KIF16B: variants seen among roughly 807,000 people sequenced by gnomAD.
KIF16B encodes kinesin family member 16B.
In KIF16B, 98 loss-of-function variants were observed where a neutral mutation model predicts 156.3. The observed-to-expected ratio is 0.63, with a 90% CI of 0.53 to 0.74. The LOEUF (loss-of-function observed/expected upper bound fraction) is 0.74, where lower values mean the gene tolerates loss of function less well. Ranked by LOEUF, KIF16B falls within the 30% of genes least tolerant of loss-of-function variation. The pLI is 0.00. For synonymous variants in KIF16B, 564 were observed against 583.7 expected, an observed-to-expected ratio of 0.97 and a Z score of 0.49; for missense variants, 1,421 against 1,606.5, an observed-to-expected ratio of 0.88 and a Z score of 1.97.
At chr20:16,470,374 G>T (rs1380538297) in intron 12 of KIF16B, among the ~76,000 whole-genome samples, 1 of 152,182 alleles carries the variant, frequency 6.6e-6, no homozygotes, top group Non-Finnish European at 1.5e-5. Flanking sequence ...TTCACTGATT[G>T]TAATAAATGT....
At chr20:16,505,998 G>T (rs2068764644) in intron 8 of KIF16B, 24 bp downstream of exon 8, 7 of 1,612,864 alleles carry the variant, frequency 4.3e-6, no homozygotes, top group Non-Finnish European at 5.9e-6. Context: ...AAACAGAGGA[G>T]GCAGGAGCCA....
intron 24 of KIF16B, among the ~76,000 whole-genome samples, chr20:16,333,889 C>A (rs2063991295): frequency 1.3e-5 from 2 of 152,160 alleles, no homozygotes; most frequent in Admixed American, 6.5e-5. Flanking sequence ...TCTGCCCCAC[C>A]ATTCTTTATT....
chr20:16,429,312 T>G (rs1361930580), intron 13 of KIF16B, among the ~76,000 whole-genome samples: 2 of 152,208 alleles, frequency 1.3e-5, no homozygotes, highest in African/African-American at 4.8e-5. Flanking sequence ...AGATTCTTTG[T>G]GTCTAAAGAT....
intron 15 of KIF16B, among the ~76,000 whole-genome samples, chr20:16,410,069 A>AGGTACATATATATATATGTT (rs2065898885): frequency 8.1e-5 from 4 of 49,506 alleles, no homozygotes; most frequent in Non-Finnish European, 1.0e-4. Context: ...ATATATATGT[A>AGGTACATATATATATATGTT]GGTACATATA....
Position 16,453,169 on chromosome 20 carries a change from C to T in KIF16B, c.1303-23187G>A, listed in dbSNP as rs184496694. Among the ~76,000 whole-genome samples, 409 of 151,774 alleles carry T rather than the reference C, an allele frequency of 2.7e-3. 2 individuals are homozygous for T. The highest frequency in any genetic ancestry group is 3.5e-3 in the South Asian group (17 of 4,802). ...CCTGTAGCCCCAGCTACTTGGGAGGCTAAGGTGGGAGGATAACTTGAGCCT... is the reference window on the plus strand; with the variant it reads ...CCTGTAGCCCCAGCTACTTGGGAGGTTAAGGTGGGAGGATAACTTGAGCCT... On this transcript the variant is annotated intron_variant, in intron 12 of 25. Coordinates refer to ENST00000354981, the MANE Select transcript of KIF16B (RefSeq NM_024704.5).
chr20:16,405,778 T>C (rs2065767846), intron 16 of KIF16B, among the ~76,000 whole-genome samples: 1 of 152,174 alleles, frequency 6.6e-6, no homozygotes, highest in Non-Finnish European at 1.5e-5. Flanking sequence ...TCCTGGCTCG[T>C]AGAAATGTTA....
At chr20:16,410,078 T>TATATATATGTAGGTAC (rs1568948543) in intron 15 of KIF16B, among the ~76,000 whole-genome samples, 58 of 125,358 alleles carry the variant, frequency 4.6e-4, no homozygotes, top group Middle Eastern at 4.3e-3. Context: ...TAGGTACATA[T>TATATATATGTAGGTAC]ATATATATGT....
In KIF16B at chr20:16,508,045, C is replaced by G. The variant is rs770267648; in HGVS notation, c.612G>C (p.Ala204=). The change falls in exon 7 of 26, where the codon GCG becomes GCC. Residue 204 remains alanine (A), a synonymous_variant. Transcript: ENST00000354981. ...CTGCGGTGGTCCGGTTGATATTGCC[C>G]GCATCCATAAGTTCTTCTACGTCAC... is the stretch of plus-strand genomic sequence containing the variant. ...NYGDVEELMD[A]GNINRTTAAT... 5 of 1,613,996 alleles carry G rather than the reference C, an allele frequency of 3.1e-6. No individual in the cohort carries two copies. In the South Asian group the frequency reaches 5.5e-5, roughly 18 times the overall value.
chr20:16,493,270 C>A (rs2068351924), intron 12 of KIF16B, among the ~76,000 whole-genome samples: 1 of 152,160 alleles, frequency 6.6e-6, no homozygotes, highest in South Asian at 2.1e-4. Flanking sequence ...AACACCTGGT[C>A]AAGCCAAGTT....
At chr20:16,417,957 C>G (rs112995700) in intron 15 of KIF16B, among the ~76,000 whole-genome samples, 50 of 151,028 alleles carry the variant, frequency 3.3e-4, no homozygotes, top group African/African-American at 1.1e-3. Context: ...GAGTATAGTG[C>G]GGGGGAAAAA....
At chr20:16,548,982 G>A (rs1266009396) in intron 1 of KIF16B, among the ~76,000 whole-genome samples, 1 of 150,440 alleles carries the variant, frequency 6.6e-6, no homozygotes, top group Middle Eastern at 3.2e-3. Context: ...AGTAAATAAA[G>A]GAAAAGAATT....
intron 15 of KIF16B, among the ~76,000 whole-genome samples, chr20:16,421,276 C>A (rs1167517362): frequency 6.6e-6 from 1 of 152,064 alleles, no homozygotes; most frequent in Non-Finnish European, 1.5e-5. Flanking sequence ...TAATGCTGTT[C>A]CCCATTTATT....
At chr20:16,525,870 TC>T (rs1207593543) in intron 3 of KIF16B, among the ~76,000 whole-genome samples, 1 of 152,124 alleles carries the variant, frequency 6.6e-6, no homozygotes, top group African/African-American at 2.4e-5. Flanking sequence ...ATCATTATGC[TC>T]AAAGGTGAAA....
Position 16,356,422 on chromosome 20 carries a change from G to A in KIF16B, c.3529C>T (p.Pro1177Ser). The A allele has an allele frequency of 1.9e-6, 3 of 1,614,140 alleles. No homozygotes were observed. The South Asian group carries it at 3.3e-5, about 18-fold the overall frequency. The change falls in exon 23 of 26, where the codon CCA becomes TCA. Residue 1177 changes from proline (P) to serine (S), a missense_variant. Pro to Ser is a moderately conservative substitution (Grantham distance 74). Transcript: ENST00000354981. ...RMVSRSLGAN[P>S]DDLKDPIKIS... ...TTAATTGGGTCCTTCAGGTCATCTG[G>A]ATTTGCGCCCAAAGAGCGAGAAACC...
At chr20:16,529,161 A>T (rs952825923) in intron 1 of KIF16B, among the ~76,000 whole-genome samples, 11 of 151,772 alleles carry the variant, frequency 7.2e-5, no homozygotes, top group African/African-American at 2.6e-4. Flanking sequence ...AAACCTATGT[A>T]TTTTTCAAAA....
chr20:16,573,267 C>T lies in KIF16B; in HGVS notation c.9G>A (p.Ser3=), dbSNP rs781244165. 1 of 1,609,424 alleles carries T rather than the reference C, an allele frequency of 6.2e-7. No individual in the cohort carries two copies. The highest frequency in any genetic ancestry group is 1.1e-5 in the South Asian group (1 of 90,290). ...GCCGGACCCTCACGGCCACCTTGAC[C>T]GATGCCATCGCTCATCCCGAACCAG... MA[S]VKVAVRVRPM... is the part of the protein sequence containing the mutation. The change falls in exon 1 of 26, where the codon TCG becomes TCA. Residue 3 remains serine, a synonymous_variant. Transcript: ENST00000354981.
At chr20:16,274,287 T>TA (rs1047585359) in intron 25 of KIF16B, among the ~76,000 whole-genome samples, 7 of 152,186 alleles carry the variant, frequency 4.6e-5, no homozygotes, top group African/African-American at 1.7e-4. Flanking sequence ...AAGGAATCCT[T>TA]ACTACAATTA....
intron 25 of KIF16B, among the ~76,000 whole-genome samples, chr20:16,299,940 G>C (rs1424338277): frequency 6.6e-6 from 1 of 152,118 alleles, no homozygotes; most frequent in Non-Finnish European, 1.5e-5. Flanking sequence ...AATACTACAA[G>C]ATAGAAGAAC....
chr20:16,285,563 T>C (rs1403870494), intron 25 of KIF16B, among the ~76,000 whole-genome samples: 1 of 152,174 alleles, frequency 6.6e-6, no homozygotes, highest in Non-Finnish European at 1.5e-5. Flanking sequence ...ACATCTCTAA[T>C]CCCAGCACTT....
Sources: gnomAD v4.1 joint callset for allele counts (sites outside exome capture counted in the v4.1 genomes callset) on GRCh38, gnomAD v4.1.1 for gene constraint, MANE v1.5 for transcripts, NCBI Gene and HGNC (gene_info 2026-07-23, HGNC 2026-07-21) for gene names.